Variants in MARCHF11 observed in about 807,000 individuals in gnomAD.
The protein encoded by MARCHF11 is membrane associated ring-CH-type finger 11, also known as E3 ubiquitin-protein ligase MARCHF11.
In MARCHF11, 29 loss-of-function variants were observed where a neutral mutation model predicts 37.3. That is an observed-to-expected ratio of 0.78 (90% CI 0.58 to 1.06). The LOEUF (loss-of-function observed/expected upper bound fraction) is 1.06. MARCHF11 is among the 50% of genes least tolerant of loss of function. The probability of loss-of-function intolerance (pLI) is 0.00; values close to 1 mark genes in which losing one functional copy is unlikely to be tolerated. For missense variants in MARCHF11, 482 were observed against 533.4 expected (o/e 0.90, Z 0.95); for synonymous variants, 233 against 228.0 (o/e 1.02, Z -0.20).
At chr5:16,084,009 C>T (rs999112241) in intron 3 of MARCHF11, among the ~76,000 whole-genome samples, 1 of 152,022 alleles carries the variant, frequency 6.6e-6, no homozygotes, top group African/African-American at 2.4e-5. Context: ...TTTATTCATA[C>T]AACACAGAGT....
At chr5:16,114,418 TAAAATCTG>T (rs1241214159) in intron 2 of MARCHF11, among the ~76,000 whole-genome samples, 2 of 152,230 alleles carry the variant, frequency 1.3e-5, no homozygotes, top group African/African-American at 4.8e-5. Flanking sequence ...TACAGAAGTC[TAAAATCTG>T]AAATTTTTGA....
At chr5:16,164,593 A>G (rs975943273) in intron 2 of MARCHF11, among the ~76,000 whole-genome samples, 1 of 152,094 alleles carries the variant, frequency 6.6e-6, no homozygotes, top group African/African-American at 2.4e-5. Context: ...CACCACCATC[A>G]GGATTTAGGT....
At chr5:16,075,477 C>A (rs1220961957) in intron 3 of MARCHF11, among the ~76,000 whole-genome samples, 2 of 152,168 alleles carry the variant, frequency 1.3e-5, no homozygotes, top group East Asian at 3.8e-4. Context: ...TGCCTGTAAT[C>A]CCTAATCAGC....
chr5:16,114,545 C>A (rs1364116438), intron 2 of MARCHF11, among the ~76,000 whole-genome samples: 3 of 152,182 alleles, frequency 2.0e-5, no homozygotes, highest in East Asian at 3.9e-4. Flanking sequence ...GCAGCATTAC[C>A]CTTGGTGCAG....
rs554388253 is a variant in MARCHF11, at chr5:16,179,602, G to C, written c.-27C>G. The C allele has an allele frequency of 2.7e-5, 31 of 1,165,386 alleles. No individual in the cohort carries two copies. Among genetic ancestry groups the C allele is most frequent in the Middle Eastern group, 3.5e-4 (1 of 2,874 alleles). 72.2% of individuals were successfully genotyped at this position (1,165,386 alleles called of 1,614,324 possible). A position where few individuals can be genotyped will look rare whatever the true frequency, so the allele number is the denominator to read the frequency against. On this transcript the variant is annotated 5_prime_UTR_variant, in exon 1 of 4. Transcript: ENST00000332432. ...GTTGTGCCGCCGCCGCCCTCCTGCC[G>C]GCCCGGCTGGCGGGCCGGGCTCTGG...
At chr5:16,089,602 T>G in intron 3 of MARCHF11, among the ~76,000 whole-genome samples, 1 of 138,292 alleles carries the variant, frequency 7.2e-6, no homozygotes, top group East Asian at 2.0e-4. Context: ...AAGAAAAAAG[T>G]AAAAAAAAAA....
chr5:16,124,720 C>A (rs1032685407), intron 2 of MARCHF11, among the ~76,000 whole-genome samples: 10 of 141,676 alleles, frequency 7.1e-5, no homozygotes, highest in African/African-American at 2.5e-4. Flanking sequence ...TCTCAAGGAA[C>A]TTTACTTCCA....
At chr5:16,153,502 A>G (rs564247298) in intron 2 of MARCHF11, among the ~76,000 whole-genome samples, 2 of 152,146 alleles carry the variant, frequency 1.3e-5, no homozygotes, top group African/African-American at 4.8e-5. Context: ...AAGAAACAGC[A>G]TGTTCAGTGT....
At chr5:16,074,858 C>A (rs1736492210) in intron 3 of MARCHF11, among the ~76,000 whole-genome samples, 1 of 152,194 alleles carries the variant, frequency 6.6e-6, no homozygotes, top group African/African-American at 2.4e-5. Flanking sequence ...TAAATGAGGT[C>A]AGAGTTTCTC....
At chr5:16,082,058 GA>G (rs58504359) in intron 3 of MARCHF11, among the ~76,000 whole-genome samples, 4,121 of 152,222 alleles carry the variant, frequency 0.027, 173 homozygotes, top group African/African-American at 0.094. Context: ...CCAGAGAAGA[GA>G]AAAAAATAAT....
intron 3 of MARCHF11, among the ~76,000 whole-genome samples, chr5:16,076,370 C>T (rs995135388): frequency 7.2e-5 from 11 of 151,832 alleles, no homozygotes; most frequent in Non-Finnish European, 1.3e-4. Context: ...CCCTACAGTG[C>T]TCAAGAAAAT....
At chr5:16,162,073 T>C (rs1046494480) in intron 2 of MARCHF11, among the ~76,000 whole-genome samples, 10 of 152,072 alleles carry the variant, frequency 6.6e-5, no homozygotes, top group African/African-American at 1.4e-4. Context: ...TAGAGAGGTT[T>C]TTGAAATCCT....
intron 2 of MARCHF11, among the ~76,000 whole-genome samples, chr5:16,174,940 G>A (rs1738331551): frequency 6.6e-6 from 1 of 152,172 alleles, no homozygotes; most frequent in African/African-American, 2.4e-5. Context: ...TGCAGTAGAT[G>A]GTGAACCACG....
At chr5:16,149,073 A>G (rs1471763786) in intron 2 of MARCHF11, among the ~76,000 whole-genome samples, 1 of 152,100 alleles carries the variant, frequency 6.6e-6, no homozygotes, top group Non-Finnish European at 1.5e-5. Context: ...GTCAGTACTT[A>G]GTCTTTCTTT....
intron 2 of MARCHF11, among the ~76,000 whole-genome samples, chr5:16,112,903 G>A (rs1737170563): frequency 6.6e-6 from 1 of 152,090 alleles, no homozygotes; most frequent in African/African-American, 2.4e-5. Flanking sequence ...TTTATAAGGG[G>A]AAACCCCTTT....
intron 2 of MARCHF11, among the ~76,000 whole-genome samples, chr5:16,108,352 ACC>A (rs1737079708): frequency 6.6e-6 from 1 of 152,106 alleles, no homozygotes; most frequent in Admixed American, 6.6e-5. Context: ...AGAGAGCCAC[ACC>A]CCTGTCGCAT....
At chr5:16,170,172 G>A (rs1055272958) in intron 2 of MARCHF11, among the ~76,000 whole-genome samples, 21 of 152,214 alleles carry the variant, frequency 1.4e-4, no homozygotes, top group South Asian at 2.1e-4. Context: ...GACGCTCTTA[G>A]CAGCTCATCT....
In MARCHF11 at chr5:16,067,309, T is replaced by C; in HGVS notation, c.*162A>G. On this transcript the variant is annotated 3_prime_UTR_variant, in exon 4 of 4. Coordinates refer to ENST00000332432, the MANE Select transcript of MARCHF11 (RefSeq NM_001102562.3). ...AGACAACGAAGAACAAGAGGACTCT[T>C]TTTCTCAGAAAAATGTATTTGCAAT... is the stretch of plus-strand genomic sequence containing the variant. 1 of 639,286 alleles carries C rather than the reference T, an allele frequency of 1.6e-6. No homozygotes were observed. The highest frequency in any genetic ancestry group is 1.8e-5 in the African/African-American group (1 of 54,852). 39.6% of individuals were successfully genotyped at this position (639,286 alleles called of 1,614,324 possible).
chr5:16,131,661 G>A (rs562537064), intron 2 of MARCHF11, among the ~76,000 whole-genome samples: 12 of 152,102 alleles, frequency 7.9e-5, no homozygotes, highest in Non-Finnish European at 1.6e-4. Flanking sequence ...TCTGGGATTC[G>A]GTTTCCTCTG....
Sources: allele counts gnomAD v4.1 joint callset (sites outside exome capture counted in the v4.1 genomes callset), GRCh38; gene constraint gnomAD v4.1.1; transcripts MANE v1.5; gene names NCBI Gene and HGNC (gene_info 2026-07-23, HGNC 2026-07-21).